ATRN: variants seen among roughly 807,000 people sequenced by gnomAD.
ATRN encodes the protein attractin.
In ATRN, 54 loss-of-function variants were observed where a neutral mutation model predicts 178.7. The observed-to-expected ratio is 0.30, with a 90% confidence interval of 0.24 to 0.38. ATRN has a LOEUF of 0.38. ATRN is among the 10% of genes least tolerant of loss of function. ATRN has a pLI of 1.00. For synonymous variants in ATRN, 636 were observed against 663.0 expected, an observed-to-expected ratio of 0.96 and a Z score of 0.63; for missense variants, 1,443 against 1,815.1, an observed-to-expected ratio of 0.79 and a Z score of 3.73.
Position 3,490,806 on chromosome 20 carries a change from T to A in ATRN, c.410+19289T>A. ...ACTGGGTCCTGAAATGGCATTGAGT[T>A]CCTCCTTTCATAATCCATCTTTATC... On this transcript the variant is annotated intron_variant, in intron 1 of 28. Coordinates refer to ENST00000262919, the MANE Select transcript of ATRN (RefSeq NM_139321.3). 1.5e-5 allele frequency: 12 copies of A among 799,372 alleles called. 1 individual carries two copies. In the South Asian group the frequency reaches 1.6e-4, roughly 11 times the overall value. The allele number at this position is 799,372 out of a possible 1,614,324, so 49.5% of individuals were successfully genotyped here. A position where few individuals can be genotyped will look rare whatever the true frequency, so the allele number is the denominator to read the frequency against.
chr20:3,591,150 G>A lies in ATRN; in HGVS notation c.3185-19G>A. 6.2e-7 allele frequency: 1 copy of A among 1,613,288 alleles called. No homozygotes were observed. ...AGTTCTTCCATGGTACAGACCCCTT[G>A]AAACTCTTTTTCTTGCAGCTTGCCA... On this transcript the variant is annotated intron_variant, in intron 18 of 28. Transcript: ENST00000262919.
intron 27 of ATRN, 36 bp from the exon 28 acceptor site, chr20:3,644,118 A>G: frequency 6.8e-7 from 1 of 1,465,004 alleles, no homozygotes; most frequent in Non-Finnish European, 9.6e-7. Context: ...TTAAAGCTTG[A>G]GTATCACTTA....
intron 8 of ATRN, among the ~76,000 whole-genome samples, chr20:3,561,560 G>T (rs2085953495): frequency 6.6e-6 from 1 of 152,154 alleles, no homozygotes; most frequent in Admixed American, 6.5e-5. Flanking sequence ...TGGTTTAGTG[G>T]AGTATGATTT....
At chr20:3,522,156 C>T (rs2085304687) in intron 1 of ATRN, among the ~76,000 whole-genome samples, 1 of 151,938 alleles carries the variant, frequency 6.6e-6, no homozygotes, top group South Asian at 2.1e-4. Flanking sequence ...GGAAATTAAG[C>T]AACATCTAAA....
Position 3,507,053 on chromosome 20 carries a change from G to T in ATRN, c.411-28200G>T, listed in dbSNP as rs371096215. ...AATGCGGTTTTTGCCGGGAGGTTTTGTTTTTTTTTTTTTAATGGCAAAAAC... is the reference window on the plus strand; with the variant it reads ...AATGCGGTTTTTGCCGGGAGGTTTTTTTTTTTTTTTTTTAATGGCAAAAAC... On this transcript the variant is annotated intron_variant, in intron 1 of 28. Transcript: ENST00000262919. Among the ~76,000 whole-genome samples the T allele has an allele frequency of 5.0e-4, 70 of 138,716 alleles. 1 individual carries two copies. The highest frequency in any genetic ancestry group is 3.7e-3 in the Middle Eastern group (1 of 272). 91.0% of individuals were successfully genotyped at this position (138,716 alleles called of 152,430 possible).
rs759749245 is a variant in ATRN, at chr20:3,540,224, C to G, written c.497C>G (p.Pro166Arg). The change falls in exon 3 of 29, where the codon CCA becomes CGA. Residue 166 changes from proline to arginine, a missense_variant and splice_region_variant. Coordinates refer to ENST00000262919, the MANE Select transcript of ATRN (RefSeq NM_139321.3). The stretch of plus-strand genomic sequence containing the variant: ...ATTACTTTTTTTATTCTTTTCAGGC[C>G]AAATAGAATAATGAGACTTCGTTTC... Reference protein sequence around the residue: ...TKCTWLIEGQPNRIMRLRFNH... With the variant: ...TKCTWLIEGQRNRIMRLRFNH... The G allele has an allele frequency of 2.6e-6, 4 of 1,557,480 alleles. No homozygotes were observed. The Admixed American group carries it at 5.4e-5, about 21-fold the overall frequency.
chr20:3,614,891 C>T (rs1369598146), intron 24 of ATRN, among the ~76,000 whole-genome samples: 1 of 152,122 alleles, frequency 6.6e-6, no homozygotes, highest in Non-Finnish European at 1.5e-5. Flanking sequence ...ATGATATGCT[C>T]TCACTTAGCA....
chr20:3,619,134 AG>A (rs2086876558), intron 24 of ATRN, among the ~76,000 whole-genome samples: 1 of 152,198 alleles, frequency 6.6e-6, no homozygotes, highest in Non-Finnish European at 1.5e-5. Flanking sequence ...GGAGCCTGAC[AG>A]GTGCTGCCTT....
At chr20:3,608,979 GAAAAAAAA>G (rs71195846) in intron 24 of ATRN, among the ~76,000 whole-genome samples, 1 of 142,080 alleles carries the variant, frequency 7.0e-6, no homozygotes, top group Non-Finnish European at 1.5e-5. Flanking sequence ...AAAAAAAAAA[GAAAAAAAA>G]AAAAAGAAAT....
chr20:3,561,235 A>G (rs2085948394), intron 8 of ATRN, among the ~76,000 whole-genome samples: 1 of 152,214 alleles, frequency 6.6e-6, no homozygotes, highest in Non-Finnish European at 1.5e-5. Flanking sequence ...AGGCAGGAGA[A>G]TCGCTTGAAC....
At chr20:3,484,803 T>G (rs1413292767) in intron 1 of ATRN, among the ~76,000 whole-genome samples, 2 of 152,008 alleles carry the variant, frequency 1.3e-5, no homozygotes, top group Non-Finnish European at 2.9e-5. Flanking sequence ...TCTTATAGCT[T>G]TTTTCAAATG....
intron 1 of ATRN, among the ~76,000 whole-genome samples, chr20:3,516,734 G>A (rs950316970): frequency 1.7e-4 from 26 of 152,120 alleles, no homozygotes; most frequent in African/African-American, 6.3e-4. Flanking sequence ...GAAAACTGTA[G>A]GATCTGGTTT....
At chr20:3,545,022 G>A (rs1339008064) in intron 3 of ATRN, among the ~76,000 whole-genome samples, 2 of 152,074 alleles carry the variant, frequency 1.3e-5, no homozygotes, top group Non-Finnish European at 2.9e-5. Flanking sequence ...TACTAACAGT[G>A]TTGGAGTTAT....
chr20:3,505,272 A>G (rs2085026381), intron 1 of ATRN, among the ~76,000 whole-genome samples: 1 of 152,096 alleles, frequency 6.6e-6, no homozygotes, highest in Non-Finnish European at 1.5e-5. Context: ...TGGAAATCGG[A>G]ACTCCAGGCT....
rs1307722255 is a variant in ATRN, at chr20:3,630,964, T to TTTTTTTG, written c.3864-3347_3864-3346insTTTTTTG. Reference sequence around the variant, plus strand: ...TTTTTTTTTTTTTTTTTTTTTTTTTTGGGATAGGGTCTCTGTTGCCCAGGC... The same window carrying TTTTTTTG: ...TTTTTTTTTTTTTTTTTTTTTTTTTTTTTTTTGGGGATAGGGTCTCTGTTGCCCAGGC... On this transcript the variant is annotated intron_variant, in intron 25 of 28. Coordinates refer to ENST00000262919, the MANE Select transcript of ATRN (RefSeq NM_139321.3). Among the ~76,000 whole-genome samples the TTTTTTTG allele has an allele frequency of 7.8e-4, 57 of 73,472 alleles. 15 individuals are homozygous for TTTTTTTG. Among genetic ancestry groups the TTTTTTTG allele is most frequent in the Non-Finnish European group, 1.3e-3 (51 of 39,828 alleles). 48.2% of individuals were successfully genotyped at this position (73,472 alleles called of 152,430 possible). A position where few individuals can be genotyped will look rare whatever the true frequency, so the allele number is the denominator to read the frequency against.
Position 3,566,304 on chromosome 20 carries a change from C to A in ATRN, c.1871+872C>A, listed in dbSNP as rs531602891. Among the ~76,000 whole-genome samples the A allele has an allele frequency of 2.0e-5, 3 of 152,200 alleles. No individual in the cohort carries two copies. The East Asian group carries it at 5.8e-4, about 29-fold the overall frequency. On this transcript the variant is annotated intron_variant, in intron 11 of 28. Transcript: ENST00000262919. ...CCTGGCCCAAACTACCAGAGCTCTT[C>A]AAAAAATCGGCCCTTGGAGAAGTCT... is the stretch of plus-strand genomic sequence containing the variant.
rs16988737 is a variant in ATRN at position 3,595,255 on chromosome 20, A to G, written c.3416+683A>G. On this transcript the variant is annotated intron_variant, in intron 20 of 28. Coordinates refer to ENST00000262919, the MANE Select transcript of ATRN (RefSeq NM_139321.3). ...AACAGGAAGGATAGTTCCTCAATCA[A>G]TGTATACCGGGCTGTCTCACTGGGA... 5.4e-3 allele frequency among the ~76,000 whole-genome samples: 825 copies of G among 152,328 alleles called. 13 individuals carry two copies. Among genetic ancestry groups the G allele is most frequent in the African/African-American group, 0.018 (762 of 41,568 alleles).
At chr20:3,553,624 T>G (rs913589059) in intron 6 of ATRN, among the ~76,000 whole-genome samples, 3 of 152,152 alleles carry the variant, frequency 2.0e-5, no homozygotes, top group African/African-American at 7.2e-5. Flanking sequence ...CCAGACTCAG[T>G]CTTTTCCTCT....
At chr20:3,513,087 T>C (rs1200059497) in intron 1 of ATRN, among the ~76,000 whole-genome samples, 1 of 152,226 alleles carries the variant, frequency 6.6e-6, no homozygotes, top group Middle Eastern at 3.2e-3. Flanking sequence ...TAGTTTCTTT[T>C]GCTGTGCAGA....
Sources: allele counts gnomAD v4.1 joint callset (sites outside exome capture counted in the v4.1 genomes callset), GRCh38; gene constraint gnomAD v4.1.1; transcripts MANE v1.5; gene names NCBI Gene and HGNC (gene_info 2026-07-23, HGNC 2026-07-21).